MBOAT1: variants seen among roughly 807,000 people sequenced by gnomAD.
MBOAT1 encodes the protein membrane bound glycerophospholipid O-acyltransferase 1.
Under a neutral mutation model 64.4 loss-of-function variants are expected in MBOAT1, and 67 were observed. The observed-to-expected ratio is 1.04, with a 90% CI of 0.85 to 1.27. MBOAT1 has a LOEUF of 1.27. Among genes scored for constraint, MBOAT1 ranks in the 50% most tolerant of loss-of-function variants. MBOAT1 has a pLI of 0.00. For missense variants in MBOAT1, 563 were observed against 604.6 expected (o/e 0.93, Z 0.72); for synonymous variants, 229 against 218.9 (o/e 1.05, Z -0.41).
intron 8 of MBOAT1, among the ~76,000 whole-genome samples, chr6:20,118,860 A>C (rs1255224499): frequency 2.0e-5 from 3 of 152,228 alleles, no homozygotes; most frequent in African/African-American, 7.2e-5. Context: ...ATAAATAAAC[A>C]GTAGAATTTA....
intron 1 of MBOAT1, among the ~76,000 whole-genome samples, chr6:20,163,958 C>T (rs192262208): frequency 2.0e-5 from 3 of 151,878 alleles, no homozygotes; most frequent in Admixed American, 6.6e-5. Flanking sequence ...CAACCTTGAC[C>T]GGGGCCCGGG....
chr6:20,108,061 T>G (rs1760012914), intron 12 of MBOAT1, among the ~76,000 whole-genome samples: 1 of 152,200 alleles, frequency 6.6e-6, no homozygotes, highest in Non-Finnish European at 1.5e-5. Flanking sequence ...GAATGCTGGC[T>G]TGGGGATACG....
chr6:20,163,252 T>C (rs1362032188), intron 1 of MBOAT1, among the ~76,000 whole-genome samples: 1 of 152,098 alleles, frequency 6.6e-6, no homozygotes, highest in Non-Finnish European at 1.5e-5. Flanking sequence ...CTCAGGACCA[T>C]TTAGGACTCT....
chr6:20,140,556 C>T (rs1202031379), intron 4 of MBOAT1, among the ~76,000 whole-genome samples: 2 of 152,224 alleles, frequency 1.3e-5, no homozygotes, highest in Non-Finnish European at 2.9e-5. Flanking sequence ...AGGACTCATT[C>T]TCTTTCTCCT....
At chr6:20,200,471 A>G (rs1300614899) in intron 1 of MBOAT1, among the ~76,000 whole-genome samples, 1 of 152,188 alleles carries the variant, frequency 6.6e-6, no homozygotes, top group Non-Finnish European at 1.5e-5. Flanking sequence ...GGGGATATCA[A>G]GAATTCTGGA....
rs549482584 is a variant in MBOAT1, at chr6:20,115,696, C to A, written c.1012-344G>T. 1.4e-3 allele frequency among the ~76,000 whole-genome samples: 211 copies of A among 152,184 alleles called. 1 individual carries two copies. Among genetic ancestry groups the A allele is most frequent in the Non-Finnish European group, 2.7e-3 (182 of 68,010 alleles). On this transcript the variant is annotated intron_variant, in intron 9 of 12. Transcript: ENST00000324607. ...ATTAAATATTCTAAAAAGGGATTTG[C>A]CCCAGGAAAAGTTTCATCATGGGAA...
chr6:20,160,696 T>C (rs1223111529), intron 1 of MBOAT1, among the ~76,000 whole-genome samples: 1 of 152,208 alleles, frequency 6.6e-6, no homozygotes, highest in Non-Finnish European at 1.5e-5. Flanking sequence ...AGTACTCTTT[T>C]GCATTGCCCC....
rs1761558141 is a variant in MBOAT1 at position 20,152,748 on chromosome 6, G to A, written c.121C>T (p.Leu41Phe). 6 of 1,611,700 alleles carry A rather than the reference G, an allele frequency of 3.7e-6. No homozygotes were observed. The highest frequency in any genetic ancestry group is 5.1e-6 in the Non-Finnish European group (6 of 1,178,436). ...CAGAAAGCAGCAAACAGAGCAACAA[G>A]CTGGCATACCACAAAATTCACCTGT... ...LDQVNFVVCQ[L>F]VALFAAFWFR... Residue 41 changes from leucine to phenylalanine, a missense_variant, in exon 2 of 13, where the codon CTT (leucine) becomes TTT (phenylalanine). Physicochemically the swap from Leu to Phe is conservative, Grantham distance 22. Coordinates refer to ENST00000324607, the MANE Select transcript of MBOAT1 (RefSeq NM_001080480.3).
chr6:20,138,963 G>C (rs759752039), intron 4 of MBOAT1, among the ~76,000 whole-genome samples: 2 of 152,120 alleles, frequency 1.3e-5, no homozygotes, highest in Non-Finnish European at 2.9e-5. Context: ...TCCCGGGCTT[G>C]CGTCTGCATT....
At position 20,159,302 on chromosome 6, in the gene MBOAT1, G is replaced by A. The variant is rs116947121; in HGVS notation, c.100-6533C>T. On this transcript the variant is annotated intron_variant, in intron 1 of 12. Coordinates refer to ENST00000324607, the MANE Select transcript of MBOAT1 (RefSeq NM_001080480.3). ...CATTACCGTCTGAACTCCATCTCCTGTCAGATCAGCAGCAGCATTAGATTC... is the reference window on the plus strand; with the variant it reads ...CATTACCGTCTGAACTCCATCTCCTATCAGATCAGCAGCAGCATTAGATTC... Among the ~76,000 whole-genome samples, 763 of 152,156 alleles carry A rather than the reference G, an allele frequency of 5.0e-3. 13 individuals carry two copies. Among genetic ancestry groups the A allele is most frequent in the East Asian group, 0.05 (259 of 5,168 alleles).
intron 1 of MBOAT1, among the ~76,000 whole-genome samples, chr6:20,170,595 T>G (rs538306606): frequency 6.6e-6 from 1 of 152,278 alleles, no homozygotes; most frequent in Admixed American, 6.5e-5. Context: ...CACCATTCAT[T>G]TCACCCGGAC....
chr6:20,186,417 T>C (rs1231991407), intron 1 of MBOAT1, among the ~76,000 whole-genome samples: 1 of 152,228 alleles, frequency 6.6e-6, no homozygotes, highest in African/African-American at 2.4e-5. Context: ...CCATGTGCCC[T>C]GGGTGTTGTC....
intron 9 of MBOAT1, among the ~76,000 whole-genome samples, chr6:20,116,377 T>G (rs2457332): frequency 0.015 from 2,235 of 152,044 alleles, 55 homozygotes; most frequent in African/African-American, 0.05. Flanking sequence ...GATGCAAACA[T>G]ACAAGGATCA....
intron 7 of MBOAT1, among the ~76,000 whole-genome samples, chr6:20,125,726 A>C (rs1324392866): frequency 6.6e-6 from 1 of 152,242 alleles, no homozygotes; most frequent in Non-Finnish European, 1.5e-5. Flanking sequence ...AGTGCTGAGA[A>C]CTGAACTATG....
intron 1 of MBOAT1, among the ~76,000 whole-genome samples, chr6:20,197,712 TC>T (rs971048868): frequency 4.7e-4 from 72 of 152,174 alleles, no homozygotes; most frequent in African/African-American, 1.6e-3. Context: ...GTCTCATGTC[TC>T]CCTAAAATGT....
In MBOAT1 at chr6:20,102,447, A is replaced by G. The variant is rs1486054764; in HGVS notation, c.1362-35T>C. 1.9e-6 allele frequency: 3 copies of G among 1,555,072 alleles called. No homozygotes were observed. The East Asian group carries it at 6.8e-5, about 35-fold the overall frequency. On this transcript the variant is annotated intron_variant, in intron 12 of 12. Transcript: ENST00000324607. ...AAAATATACAAAAATTATATTTCAA[A>G]TAAGGATGTAGATGGGAAACACCAC...
intron 1 of MBOAT1, among the ~76,000 whole-genome samples, chr6:20,188,845 C>A (rs953055618): frequency 6.6e-6 from 1 of 152,134 alleles, no homozygotes; most frequent in Non-Finnish European, 1.5e-5. Flanking sequence ...CTTAGGCAAG[C>A]CCCCTGTGCA....
At chr6:20,210,130 G>A (rs1476575762) in intron 1 of MBOAT1, among the ~76,000 whole-genome samples, 2 of 152,034 alleles carry the variant, frequency 1.3e-5, no homozygotes, top group Admixed American at 6.5e-5. Context: ...TCCTAATGTC[G>A]GGCATTTCAC....
intron 3 of MBOAT1, 95 bp from the exon 4 acceptor site, chr6:20,144,410 A>G: frequency 1.2e-6 from 1 of 807,820 alleles, no homozygotes; most frequent in Non-Finnish European, 2.1e-6. Flanking sequence ...CTTCACGTGC[A>G]GTTGGTCACA....
Sources: gnomAD v4.1 joint callset for allele counts (sites outside exome capture counted in the v4.1 genomes callset) on GRCh38, gnomAD v4.1.1 for gene constraint, MANE v1.5 for transcripts, NCBI Gene and HGNC (gene_info 2026-07-23, HGNC 2026-07-21) for gene names.